SAMHD1: variants seen among roughly 807,000 people sequenced by gnomAD.
SAMHD1 encodes SAM and HD domain containing deoxynucleoside triphosphate triphosphohydrolase 1, also known as deoxynucleoside triphosphate triphosphohydrolase SAMHD1.
Under a neutral mutation model 79.6 loss-of-function variants are expected in SAMHD1, and 54 were observed. The ratio of observed to expected loss-of-function variants is 0.68; its 90% CI spans 0.55 to 0.85. The LOEUF (loss-of-function observed/expected upper bound fraction) is 0.85. Ranked by LOEUF, SAMHD1 falls within the 40% of genes least tolerant of loss-of-function variation. SAMHD1 has a pLI of 0.00. For synonymous variants in SAMHD1, 260 were observed against 264.1 expected, an observed-to-expected ratio of 0.98 and a Z score of 0.15; for missense variants, 663 against 782.7, an observed-to-expected ratio of 0.85 and a Z score of 1.82.
intron 6 of SAMHD1, among the ~76,000 whole-genome samples, chr20:36,921,392 CAAAAAAA>C (rs34384942): frequency 1.8e-5 from 1 of 55,090 alleles, no homozygotes; most frequent in African/African-American, 7.4e-5. Context: ...GACTCTGTCT[CAAAAAAA>C]AAAAAAAAAA....
intron 3 of SAMHD1, among the ~76,000 whole-genome samples, chr20:36,937,550 A>G (rs1364466169): frequency 6.6e-6 from 1 of 152,204 alleles, no homozygotes; most frequent in Admixed American, 6.6e-5. Flanking sequence ...ATTGAACAAC[A>G]CTGTGAACTT....
chr20:36,947,310 GGTGTGTGTGTGT>G lies in SAMHD1; in HGVS notation c.209-518_209-507del, dbSNP rs35061251. The stretch of plus-strand genomic sequence containing the variant: ...GCACTCAATACTCTGATTTGGAAGA[GGTGTGTGTGTGT>G]GTGTGTGTGTGTGTGTGTGTGTGTG... On this transcript the variant is annotated intron_variant, in intron 1 of 15. Transcript: ENST00000646673. Among the ~76,000 whole-genome samples the G allele has an allele frequency of 5.4e-3, 462 of 85,104 alleles. 5 individuals carry two copies. Among genetic ancestry groups the G allele is most frequent in the African/African-American group, 0.021 (442 of 21,340 alleles). The allele number at this position is 85,104 out of a possible 152,430, so 55.8% of individuals were successfully genotyped here.
intron 12 of SAMHD1, chr20:36,904,984 T>C (rs1415673204): frequency 3.7e-6 from 1 of 270,546 alleles, no homozygotes; most frequent in Non-Finnish European, 7.2e-6. Context: ...TTACAACAGG[T>C]CACCACAGCC....
intron 13 of SAMHD1, 131 bp downstream of exon 13, chr20:36,904,026 C>T (rs936581134): frequency 2.5e-6 from 1 of 398,648 alleles, no homozygotes; most frequent in Non-Finnish European, 4.7e-6. Flanking sequence ...AATATTGGTT[C>T]TCTTTGTGAG....
chr20:36,946,658 A>G lies in SAMHD1; in HGVS notation c.275+80T>C, dbSNP rs2063688401. ...TAGATTTAAAATGAGGACAGTTTAT[A>G]TCAGAGATTTTGGGCTTTGTCCCTG... On this transcript the variant is annotated intron_variant, in intron 2 of 15. Coordinates refer to ENST00000646673, the MANE Select transcript of SAMHD1 (RefSeq NM_015474.4). 3.4e-5 allele frequency: 35 copies of G among 1,014,884 alleles called. 1 individual carries two copies. The South Asian group carries it at 4.1e-4, about 12-fold the overall frequency. The allele number at this position is 1,014,884 out of a possible 1,614,324, so 62.9% of individuals were successfully genotyped here.
intron 4 of SAMHD1, among the ~76,000 whole-genome samples, chr20:36,933,300 G>A (rs975701425): frequency 2.0e-5 from 3 of 152,104 alleles, no homozygotes; most frequent in African/African-American, 7.2e-5. Context: ...CAACGTCTCA[G>A]CTTAGTTGTA....
chr20:36,919,329 C>T (rs940782124), intron 7 of SAMHD1, 35 bp downstream of exon 7: 1 of 1,603,300 alleles, frequency 6.2e-7, no homozygotes, highest in Non-Finnish European at 8.5e-7. Context: ...ATGAAAAGCA[C>T]CAGTCAGTTA....
rs868763843 is a variant in SAMHD1, at chr20:36,917,034, G to A, written c.868C>T (p.Arg290Cys). ...TAAAGGAAGCTTTTGTTTTCAGGAC[G>A]CCCTTTATATGGCCACTGGAAGGCA... ...VEDSLWPYKG[R>C]PENKSFLYEI... Residue 290 changes from arginine (R) to cysteine (C), a missense_variant, in exon 8 of 16, where the codon CGT becomes TGT. Physicochemically the swap from Arg to Cys is radical, Grantham distance 180. Coordinates refer to ENST00000646673, the MANE Select transcript of SAMHD1 (RefSeq NM_015474.4). The A allele has an allele frequency of 3.7e-6, 6 of 1,612,848 alleles. No individual in the cohort carries two copies. Among genetic ancestry groups the A allele is most frequent in the African/African-American group, 2.7e-5 (2 of 74,850 alleles).
intron 1 of SAMHD1, 37 bp from the exon 2 acceptor site, chr20:36,946,841 A>G (rs768298140): frequency 9.3e-5 from 140 of 1,508,506 alleles, no homozygotes; most frequent in Non-Finnish European, 1.2e-4. Context: ...TGTATACAAC[A>G]TATGCTTTTC....
intron 11 of SAMHD1, among the ~76,000 whole-genome samples, chr20:36,907,975 A>T (rs2148362422): frequency 6.6e-6 from 1 of 151,952 alleles, no homozygotes; most frequent in East Asian, 1.9e-4. Flanking sequence ...TCCTGGGTTC[A>T]ATTGATTCTC....
Position 36,939,240 on chromosome 20 carries a change from C to T in SAMHD1, c.348+1799G>A, listed in dbSNP as rs185146335. Among the ~76,000 whole-genome samples the T allele has an allele frequency of 1.1e-3, 116 of 107,788 alleles. No homozygotes were observed. In the Middle Eastern group the frequency reaches 0.057, roughly 53 times the overall value. The allele number at this position is 107,788 out of a possible 152,430, so 70.7% of individuals were successfully genotyped here. Reference sequence around the variant, plus strand: ...CTGCACTCCAGCCTGGGCAACAGAGCGAGACTCCCTCTCAAAAAAAAAAAA... The same window carrying T: ...CTGCACTCCAGCCTGGGCAACAGAGTGAGACTCCCTCTCAAAAAAAAAAAA... On this transcript the variant is annotated intron_variant, in intron 3 of 15. Transcript: ENST00000646673.
At chr20:36,935,389 A>G (rs1305042880) in intron 3 of SAMHD1, 200 bp from the exon 4 acceptor site, 1 of 581,382 alleles carries the variant, frequency 1.7e-6, no homozygotes, top group Non-Finnish European at 3.1e-6. Flanking sequence ...GGATTTGAGT[A>G]TATTTTACTT....
intron 1 of SAMHD1, among the ~76,000 whole-genome samples, chr20:36,949,304 TCAAA>T (rs2063716386): frequency 6.7e-6 from 1 of 149,834 alleles, no homozygotes; most frequent in African/African-American, 2.5e-5. Context: ...TAAAAAATAA[TCAAA>T]CAGAGGCCCA....
At position 36,890,388 on chromosome 20, in the gene SAMHD1, ATTTCTTTCTCTTTC is replaced by A. The variant is rs1228470297; in HGVS notation, c.*2530_*2543del. The stretch of plus-strand genomic sequence containing the variant: ...CCATTTTTATACAAATAGCAAAGAT[ATTTCTTTCTCTTTC>A]TTTCTTTCTTTCTTTCTTTTCTTTC... On this transcript the variant is annotated 3_prime_UTR_variant, in exon 16 of 16. Coordinates refer to ENST00000646673, the MANE Select transcript of SAMHD1 (RefSeq NM_015474.4). The A allele has an allele frequency of 1.0e-4, 3 of 29,302 alleles. No homozygotes were observed. The highest frequency in any genetic ancestry group is 2.6e-4 in the African/African-American group (3 of 11,578). The allele number at this position is 29,302 out of a possible 1,614,324, so 1.8% of individuals were successfully genotyped here.
Position 36,897,896 on chromosome 20 carries a change from C to T in SAMHD1, c.1672G>A (p.Asp558Asn). The change falls in exon 15 of 16, where the codon GAC (aspartate) becomes AAC (asparagine). Residue 558 changes from aspartate to asparagine, a missense_variant. By Grantham distance (23) the Asp-to-Asn change is conservative. Coordinates refer to ENST00000646673, the MANE Select transcript of SAMHD1 (RefSeq NM_015474.4). ...QLIRVYCKKV[D>N]RKSLYAARQY... is the part of the protein sequence containing the mutation. ...CTTGCGGCATACAAACTCTTTCTGT[C>T]CACCTTCTTACAATATACTCGAATC... 1 of 1,614,210 alleles carries T rather than the reference C, an allele frequency of 6.2e-7. No individual in the cohort carries two copies. The highest frequency in any genetic ancestry group is 1.3e-5 in the African/African-American group (1 of 75,056).
At position 36,892,752 on chromosome 20, in the gene SAMHD1, G is replaced by C; in HGVS notation, c.*180C>G. ...GCAAGGTAATGCTTTTCATAGTATA[G>C]TAAGATTTGCCTAATACCATCTTAT... is the stretch of plus-strand genomic sequence containing the variant. On this transcript the variant is annotated 3_prime_UTR_variant, in exon 16 of 16. Transcript: ENST00000646673. 1 of 763,242 alleles carries C rather than the reference G, an allele frequency of 1.3e-6. No individual in the cohort carries two copies. The highest frequency in any genetic ancestry group is 2.3e-6 in the Non-Finnish European group (1 of 431,866). The allele number at this position is 763,242 out of a possible 1,614,324, so 47.3% of individuals were successfully genotyped here. A position where few individuals can be genotyped will look rare whatever the true frequency, so the allele number is the denominator to read the frequency against.
intron 1 of SAMHD1, among the ~76,000 whole-genome samples, chr20:36,947,551 GGTGTGTGTGTGTGTGTGTGTGTGTGTGT>G (rs71186095): frequency 1.3e-5 from 1 of 75,742 alleles, no homozygotes; most frequent in East Asian, 3.4e-4. Flanking sequence ...TTGGAAGAGG[GGTGTGTGTGTGTGTGTGTGTGTGTGTGT>G]GTGTGTGTGT....
intron 2 of SAMHD1, among the ~76,000 whole-genome samples, chr20:36,942,502 G>C (rs909469910): frequency 2.6e-5 from 4 of 152,094 alleles, no homozygotes; most frequent in African/African-American, 7.2e-5. Context: ...GTTTAGCAAA[G>C]GACATGGCAT....
chr20:36,939,117 G>T (rs1470995483), intron 3 of SAMHD1, among the ~76,000 whole-genome samples: 4 of 146,402 alleles, frequency 2.7e-5, no homozygotes, highest in Non-Finnish European at 6.0e-5. Context: ...AACTGGGCGT[G>T]GTGGCAGGTG....
Sources: allele counts gnomAD v4.1 joint callset (sites outside exome capture counted in the v4.1 genomes callset), GRCh38; gene constraint gnomAD v4.1.1; transcripts MANE v1.5; gene names NCBI Gene and HGNC (gene_info 2026-07-23, HGNC 2026-07-21).